The following SASH1 variants were observed in gnomAD, a reference collection of about 807,000 sequenced individuals.
SASH1 encodes the protein SAM and SH3 domain containing 1.
SASH1 carries 44 observed loss-of-function variants against 125.2 expected under a neutral mutation model. That is an observed-to-expected ratio of 0.35 (90% CI 0.28 to 0.45). The LOEUF (loss-of-function observed/expected upper bound fraction) is 0.45. Ranked by LOEUF, SASH1 falls within the 20% of genes least tolerant of loss-of-function variation. The pLI is 1.00. For synonymous variants in SASH1, 639 were observed against 649.1 expected, an observed-to-expected ratio of 0.98 and a Z score of 0.24; for missense variants, 1,426 against 1,614.5, an observed-to-expected ratio of 0.88 and a Z score of 2.00.
intron 1 of SASH1, among the ~76,000 whole-genome samples, chr6:148,360,529 G>A (rs1162451359): frequency 6.6e-6 from 1 of 151,696 alleles, no homozygotes; most frequent in Non-Finnish European, 1.5e-5. Context: ...TGTATTTTTA[G>A]TAGAGACAGG....
At chr6:148,328,057 G>T (rs1327664252) in intron 1 of SASH1, among the ~76,000 whole-genome samples, 1 of 152,128 alleles carries the variant, frequency 6.6e-6, no homozygotes, top group African/African-American at 2.4e-5. Context: ...AAGGGATGGG[G>T]TCTCACTTTG....
intron 1 of SASH1, among the ~76,000 whole-genome samples, chr6:148,325,261 T>TTGTTGTTGTTGTTTTG (rs147161125): frequency 6.7e-5 from 10 of 149,878 alleles, no homozygotes; most frequent in African/African-American, 2.5e-4. Flanking sequence ...AAAAGCCTCT[T>TTGTTGTTGTTGTTTTG]TTGTTGTTGT....
At chr6:148,258,983 GA>G in the SASH1 span, among the ~76,000 whole-genome samples, 1 of 152,168 alleles carries the variant, frequency 6.6e-6, no homozygotes, top group Non-Finnish European at 1.5e-5. Flanking sequence ...TGACCTCAAT[GA>G]ACAAAATTAA....
At chr6:148,465,926 C>CT (rs1303699152) in intron 4 of SASH1, among the ~76,000 whole-genome samples, 1 of 152,138 alleles carries the variant, frequency 6.6e-6, no homozygotes, top group Non-Finnish European at 1.5e-5. Flanking sequence ...ATTTCTTATG[C>CT]TTTTTTGTTC....
At chr6:148,291,092 C>G (rs1779621697) in intron 1 of SASH1, among the ~76,000 whole-genome samples, 1 of 151,644 alleles carries the variant, frequency 6.6e-6, no homozygotes, top group Admixed American at 6.6e-5. Flanking sequence ...CTCAACTGCC[C>G]CTGCTCAAGC....
At chr6:148,361,326 G>A (rs958561469) in intron 1 of SASH1, among the ~76,000 whole-genome samples, 5 of 152,174 alleles carry the variant, frequency 3.3e-5, no homozygotes, top group African/African-American at 7.2e-5. Context: ...GGCCAGACGC[G>A]GTGGCTCATG....
At chr6:148,361,805 A>C (rs976932658) in intron 1 of SASH1, among the ~76,000 whole-genome samples, 2 of 152,146 alleles carry the variant, frequency 1.3e-5, no homozygotes, top group African/African-American at 2.4e-5. Context: ...TGGAAGAAGA[A>C]GACAGGGGCC....
At chr6:148,344,755 CTTTTTTT>C (rs762490919) in intron 1 of SASH1, among the ~76,000 whole-genome samples, 38 of 143,540 alleles carry the variant, frequency 2.6e-4, no homozygotes, top group African/African-American at 7.7e-4. Context: ...TTTTTCTTTT[CTTTTTTT>C]TTTTTTTTTT....
the SASH1 span, among the ~76,000 whole-genome samples, chr6:148,241,822 C>T: frequency 6.6e-6 from 1 of 152,110 alleles, no homozygotes; most frequent in South Asian, 2.1e-4. Context: ...ATTCCAGTAC[C>T]CACCTCGTAT....
chr6:148,387,596 CTT>C (rs1302419084), intron 1 of SASH1, among the ~76,000 whole-genome samples: 2 of 10,316 alleles, frequency 1.9e-4, no homozygotes, highest in Non-Finnish European at 3.6e-4. Context: ...TTCTTTCTTT[CTT>C]TCTTTCTTTC....
chr6:148,274,089 T>C (rs17633059), intron 1 of SASH1, among the ~76,000 whole-genome samples: 9,605 of 152,146 alleles, frequency 0.063, 355 homozygotes, highest in African/African-American at 0.095. Flanking sequence ...GTATGAAACA[T>C]AGAATTCCAC....
In SASH1 at chr6:148,348,546, G is replaced by C. The variant is rs115065163; in HGVS notation, c.156+5323G>C. Among the ~76,000 whole-genome samples, 955 of 152,214 alleles carry C rather than the reference G, an allele frequency of 6.3e-3. 16 individuals are homozygous for C. Among genetic ancestry groups the C allele is most frequent in the African/African-American group, 0.022 (897 of 41,522 alleles). Reference sequence around the variant, plus strand: ...CTCCTGTGTAGAGTCCTGGGGCTGTGCTGGATCTTGCGCATACATTTCCTT... The same window carrying C: ...CTCCTGTGTAGAGTCCTGGGGCTGTCCTGGATCTTGCGCATACATTTCCTT... On this transcript the variant is annotated intron_variant, in intron 1 of 19. Transcript: ENST00000367467.
intron 1 of SASH1, among the ~76,000 whole-genome samples, chr6:148,358,060 CAAAAAAA>C (rs34729070): frequency 1.2e-4 from 8 of 65,634 alleles, no homozygotes; most frequent in South Asian, 6.2e-4. Flanking sequence ...AACTCCGTCT[CAAAAAAA>C]AAAAAAAAAA....
chr6:148,453,711 G>A (rs1327619574), intron 4 of SASH1, among the ~76,000 whole-genome samples: 1 of 152,174 alleles, frequency 6.6e-6, no homozygotes, highest in African/African-American at 2.4e-5. Flanking sequence ...GAGTAAGATA[G>A]GTAGGGTAGC....
chr6:148,206,810 C>CAT, the SASH1 span, among the ~76,000 whole-genome samples: 1 of 151,402 alleles, frequency 6.6e-6, no homozygotes, highest in African/African-American at 2.4e-5. Flanking sequence ...CACACACACA[C>CAT]ACACACACAC....
chr6:148,364,414 G>C (rs1782368673), intron 1 of SASH1, among the ~76,000 whole-genome samples: 1 of 152,048 alleles, frequency 6.6e-6, no homozygotes, highest in South Asian at 2.1e-4. Flanking sequence ...TGTGTGGAGA[G>C]GACCATACTC....
chr6:148,379,868 C>T (rs1259065365), intron 1 of SASH1: 1 of 455,840 alleles, frequency 2.2e-6, no homozygotes, highest in South Asian at 1.6e-5. Flanking sequence ...TGCCATGTTC[C>T]ATCACCGCTG....
At chr6:148,531,757 C>CAA (rs1200182088) in intron 13 of SASH1, 96 bp downstream of exon 13, 1 of 1,014,292 alleles carries the variant, frequency 9.9e-7, no homozygotes, top group African/African-American at 1.7e-5. Flanking sequence ...TGAATAAGAC[C>CAA]AAGTCCTGCC....
At chr6:148,315,628 G>A (rs1368673062) in intron 1 of SASH1, among the ~76,000 whole-genome samples, 1 of 152,144 alleles carries the variant, frequency 6.6e-6, no homozygotes, top group Non-Finnish European at 1.5e-5. Flanking sequence ...ACTAGGCCAG[G>A]CACAGTGGCT....
Sources: allele counts gnomAD v4.1 joint callset (sites outside exome capture counted in the v4.1 genomes callset), GRCh38; gene constraint gnomAD v4.1.1; transcripts MANE v1.5; gene names NCBI Gene and HGNC (gene_info 2026-07-23, HGNC 2026-07-21).